Variants in C15orf40 observed in about 807,000 individuals in gnomAD.
C15orf40 encodes the protein UPF0235 protein C15orf40.
Under a neutral mutation model 13.9 loss-of-function variants are expected in C15orf40, and 9 were observed. The observed-to-expected ratio is 0.65, with a 90% CI of 0.39 to 1.13. The LOEUF is 1.13. C15orf40 is among the 50% of genes most tolerant of loss of function. C15orf40 has a pLI of 0.01. For synonymous variants in C15orf40, 95 were observed against 69.2 expected (o/e 1.37, Z -1.85); for missense variants, 225 against 188.5 (o/e 1.19, Z -1.13).
At chr15:82,990,045 G>A (rs771249659), downstream of C15orf40, 4 of 1,506,070 alleles carry the variant, frequency 2.7e-6, no homozygotes, top group South Asian at 1.2e-5. Context: ...TACAACCAGC[G>A]GCCTCCTTAC....
rs1013285354 is a variant in C15orf40, at chr15:83,010,361, A to G, written c.114T>C (p.Gly38=). 47 of 1,614,018 alleles carry G rather than the reference A, an allele frequency of 2.9e-5. No homozygotes were observed. Among genetic ancestry groups the G allele is most frequent in the Non-Finnish European group, 3.6e-5 (42 of 1,180,012 alleles). Residue 38 remains glycine, a splice_region_variant and synonymous_variant, in exon 2 of 4, where the codon GGT becomes GGC. Transcript: ENST00000304177. ...TCTCTGGTTCCTTGCTCTGGCTTTT[A>G]CCCTAAAATGACAACCACACAACTT... ...MPKKAGATTK[G]KSQSKEPERP...
downstream of C15orf40, among the ~76,000 whole-genome samples, chr15:82,989,580 G>A (rs1029711971): frequency 2.0e-5 from 3 of 152,076 alleles, no homozygotes; most frequent in African/African-American, 2.4e-5. Context: ...AATAGTCAAA[G>A]GAATAAATTA....
rs1486425444 is a variant in C15orf40 at position 83,001,054 on chromosome 15, C to T, written c.*4543G>A. 1.1e-6 allele frequency: 1 copy of T among 937,852 alleles called. No individual in the cohort carries two copies. The highest frequency in any genetic ancestry group is 1.8e-5 in the African/African-American group (1 of 56,228). The allele number at this position is 937,852 out of a possible 1,614,324, so 58.1% of individuals were successfully genotyped here. On this transcript the variant is annotated 3_prime_UTR_variant, in exon 4 of 4. Coordinates refer to ENST00000304177, the MANE Select transcript of C15orf40 (RefSeq NM_144597.3). ...TCTTAAACTCCTGACTTCAAGTGAT[C>T]CACCCGCCTCAGCCTCCCAAAGTGC...
downstream of C15orf40, among the ~76,000 whole-genome samples, chr15:82,991,422 G>A (rs1267420987): frequency 6.6e-6 from 1 of 152,142 alleles, no homozygotes; most frequent in Non-Finnish European, 1.5e-5. Context: ...GCACATGCCT[G>A]TAATCCCAGC....
Position 83,008,145 on chromosome 15 carries a change from T to C in C15orf40, c.366+403A>G, listed in dbSNP as rs111656930. ...AGTGAGAGGTAGCAGTGCGTCAAGA[T>C]TGCACCACTGCACTCCAGGCTGGAC... is the stretch of plus-strand genomic sequence containing the variant. On this transcript the variant is annotated intron_variant, in intron 3 of 3. Coordinates refer to ENST00000304177, the MANE Select transcript of C15orf40 (RefSeq NM_144597.3). The C allele has an allele frequency of 7.4e-3, 1,383 of 187,194 alleles. 17 individuals carry two copies. Among genetic ancestry groups the C allele is most frequent in the African/African-American group, 0.027 (1,099 of 41,218 alleles). The allele number at this position is 187,194 out of a possible 1,614,324, so 11.6% of individuals were successfully genotyped here. A position where few individuals can be genotyped will look rare whatever the true frequency, so the allele number is the denominator to read the frequency against.
In C15orf40 at chr15:83,004,376, C is replaced by T; in HGVS notation, c.*1221G>A. 7 of 985,262 alleles carry T rather than the reference C, an allele frequency of 7.1e-6. No individual in the cohort carries two copies. The highest frequency in any genetic ancestry group is 7.2e-6 in the Non-Finnish European group (6 of 829,782). The allele number at this position is 985,262 out of a possible 1,614,324, so 61.0% of individuals were successfully genotyped here. A position where few individuals can be genotyped will look rare whatever the true frequency, so the allele number is the denominator to read the frequency against. On this transcript the variant is annotated 3_prime_UTR_variant, in exon 4 of 4. Transcript: ENST00000304177. Reference sequence around the variant, plus strand: ...TCATGTACTTGCTGGACAAAGCGCACAACTGCAGATCAGCTCTCCTGATCA... The same window carrying T: ...TCATGTACTTGCTGGACAAAGCGCATAACTGCAGATCAGCTCTCCTGATCA...
chr15:82,999,517 T>A lies in C15orf40; in HGVS notation c.*6080A>T, dbSNP rs2031322237. ...AGCCTTACCTTTTACTTTTAAATTA[T>A]GTTAGCCACATTTCAAGTGCTCAAT... On this transcript the variant is annotated 3_prime_UTR_variant, in exon 4 of 4. Coordinates refer to ENST00000304177, the MANE Select transcript of C15orf40 (RefSeq NM_144597.3). 6.6e-6 allele frequency: 1 copy of A among 152,182 alleles called. No individual in the cohort carries two copies. The highest frequency in any genetic ancestry group is 2.1e-4 in the South Asian group (1 of 4,836). 9.4% of individuals were successfully genotyped at this position (152,182 alleles called of 1,614,324 possible).
intron 3 of C15orf40, among the ~76,000 whole-genome samples, 155 bp from the exon 4 acceptor site, chr15:83,005,847 CCATTTGTTACTAAA>C (rs1157658951): frequency 6.6e-6 from 1 of 152,186 alleles, no homozygotes; most frequent in Admixed American, 6.5e-5. Flanking sequence ...TTCCTTACTA[CCATTTGTTACTAAA>C]CATTTGTTAG....
At chr15:82,989,311 T>A, downstream of C15orf40, 2 of 782,524 alleles carry the variant, frequency 2.6e-6, no homozygotes, top group Non-Finnish European at 3.9e-6. Flanking sequence ...TAGTACCTAA[T>A]AACAGTACCT....
At chr15:83,009,135 T>C (rs530904139) in intron 2 of C15orf40, among the ~76,000 whole-genome samples, 1 of 152,354 alleles carries the variant, frequency 6.6e-6, no homozygotes, top group South Asian at 2.1e-4. Context: ...TCACCTCTTA[T>C]GTGACACATA....
Position 82,995,111 on chromosome 15 carries a change from ATTATCTCCTCT to A in C15orf40, c.*10475_*10485del, listed in dbSNP as rs1427007933. On this transcript the variant is annotated 3_prime_UTR_variant, in exon 4 of 4. Coordinates refer to ENST00000304177, the MANE Select transcript of C15orf40 (RefSeq NM_144597.3). ...GAGCCCACAGCAGCCTTGAGAGCAG[ATTATCTCCTCT>A]TTTCTAGAAGTCTGGTTGATTACTG... The A allele has an allele frequency of 1.4e-5, 2 of 144,560 alleles. No homozygotes were observed. The highest frequency in any genetic ancestry group is 4.2e-4 in the East Asian group (2 of 4,800). 9.0% of individuals were successfully genotyped at this position (144,560 alleles called of 1,614,324 possible).
rs545324238 is a variant in C15orf40, at chr15:83,001,666, G to A, written c.*3931C>T. 2.0e-5 allele frequency: 3 copies of A among 152,146 alleles called. No individual in the cohort carries two copies. Among genetic ancestry groups the A allele is most frequent in the Non-Finnish European group, 4.4e-5 (3 of 68,040 alleles). The allele number at this position is 152,146 out of a possible 1,614,324, so 9.4% of individuals were successfully genotyped here. On this transcript the variant is annotated 3_prime_UTR_variant, in exon 4 of 4. Transcript: ENST00000304177. ...CTGGGTCTACTTCAGTATTTACAGG[G>A]GAATACCAGGGCCCAGATGATGAAA...
At position 82,999,962 on chromosome 15, in the gene C15orf40, G is replaced by A. The variant is rs1396101443; in HGVS notation, c.*5635C>T. 1 of 152,166 alleles carries A rather than the reference G, an allele frequency of 6.6e-6. No homozygotes were observed. The highest frequency in any genetic ancestry group is 2.4e-5 in the African/African-American group (1 of 41,418). The allele number at this position is 152,166 out of a possible 1,614,324, so 9.4% of individuals were successfully genotyped here. On this transcript the variant is annotated 3_prime_UTR_variant, in exon 4 of 4. Coordinates refer to ENST00000304177, the MANE Select transcript of C15orf40 (RefSeq NM_144597.3). Reference sequence around the variant, plus strand: ...TCTTCCTGCAACCTAGAAAAAGGGAGTTCCTGTACTATGAAGGATCATTAT... The same window carrying A: ...TCTTCCTGCAACCTAGAAAAAGGGAATTCCTGTACTATGAAGGATCATTAT...
chr15:82,991,378 C>G (rs1366356287), downstream of C15orf40, among the ~76,000 whole-genome samples: 1 of 152,082 alleles, frequency 6.6e-6, no homozygotes, highest in Non-Finnish European at 1.5e-5. Context: ...GACCCCGTCT[C>G]TACTAAAAAT....
At chr15:83,010,420 T>C in intron 1 of C15orf40, 57 bp from the exon 2 acceptor site, 2 of 1,603,206 alleles carry the variant, frequency 1.2e-6, no homozygotes, top group Non-Finnish European at 1.7e-6. Context: ...ACACATTTAA[T>C]TTGATTCTTC....
In C15orf40 at chr15:83,000,635, TA is replaced by T. The variant is rs1319993586; in HGVS notation, c.*4961del. 6.6e-6 allele frequency: 1 copy of T among 152,246 alleles called. No individual in the cohort carries two copies. The highest frequency in any genetic ancestry group is 1.5e-5 in the Non-Finnish European group (1 of 68,044). The allele number at this position is 152,246 out of a possible 1,614,324, so 9.4% of individuals were successfully genotyped here. A position where few individuals can be genotyped will look rare whatever the true frequency, so the allele number is the denominator to read the frequency against. On this transcript the variant is annotated 3_prime_UTR_variant, in exon 4 of 4. Coordinates refer to ENST00000304177, the MANE Select transcript of C15orf40 (RefSeq NM_144597.3). ...ACCTCTTGGATGTAAATTGAAATTCTAAGTTTTTAGTCACTAGTTACATGCA... is the reference window on the plus strand; with the variant it reads ...ACCTCTTGGATGTAAATTGAAATTCTAGTTTTTAGTCACTAGTTACATGCA...
At position 82,998,136 on chromosome 15, in the gene C15orf40, A is replaced by C. The variant is rs1386598963; in HGVS notation, c.*7461T>G. 7 of 85,502 alleles carry C rather than the reference A, an allele frequency of 8.2e-5. No individual in the cohort carries two copies. Among genetic ancestry groups the C allele is most frequent in the East Asian group, 3.3e-4 (1 of 3,018 alleles). 5.3% of individuals were successfully genotyped at this position (85,502 alleles called of 1,614,324 possible). On this transcript the variant is annotated 3_prime_UTR_variant, in exon 4 of 4. Transcript: ENST00000304177. ...GGGCGGCCGGGCAGAGGCGCCCCTC[A>C]CCTCCCGGACGGGGCGGCTGGCCGG...
intron 2 of C15orf40, 128 bp downstream of exon 2, chr15:83,010,109 G>C: frequency 7.9e-7 from 1 of 1,263,296 alleles, no homozygotes; most frequent in Non-Finnish European, 1.1e-6. Flanking sequence ...TTTTAAAATG[G>C]AGAAGCCTCT....
Position 83,008,588 on chromosome 15 carries a change from T to C in C15orf40, c.326A>G (p.Lys109Arg). 1 of 1,613,868 alleles carries C rather than the reference T, an allele frequency of 6.2e-7. No individual in the cohort carries two copies. Among genetic ancestry groups the C allele is most frequent in the South Asian group, 1.1e-5 (1 of 91,060 alleles). Reference sequence around the variant, plus strand: ...ATCACTCTTCCTGAGTTCTAGGACCTTGGAAAGATACCGACAGAGCTCAGC... The same window carrying C: ...ATCACTCTTCCTGAGTTCTAGGACCCTGGAAAGATACCGACAGAGCTCAGC... ...ANAELCRYLS[K>R]VLELRKSDVV... Residue 109 changes from lysine to arginine, a missense_variant, in exon 3 of 4, where the codon AAG becomes AGG. Coordinates refer to ENST00000304177, the MANE Select transcript of C15orf40 (RefSeq NM_144597.3).
Sources: gnomAD v4.1 joint callset for allele counts (sites outside exome capture counted in the v4.1 genomes callset) on GRCh38, gnomAD v4.1.1 for gene constraint, MANE v1.5 for transcripts, NCBI Gene and HGNC (gene_info 2026-07-23, HGNC 2026-07-21) for gene names.